CES5A: variants seen among roughly 807,000 people sequenced by gnomAD.
CES5A encodes carboxylesterase 5A, also known as carboxylesterase 5.
A neutral mutation model predicts 62.9 loss-of-function variants in CES5A; 67 were observed. The observed-to-expected ratio is 1.07, with a 90% CI of 0.88 to 1.31. CES5A has a LOEUF of 1.31. Among genes scored for constraint, CES5A ranks in the 50% most tolerant of loss-of-function variants. The pLI, the probability that CES5A is intolerant of heterozygous loss-of-function variation, is 0.00. For missense variants in CES5A, 748 were observed against 708.5 expected (o/e 1.06, Z -0.63); for synonymous variants, 296 against 280.8 (o/e 1.05, Z -0.54).
chr16:55,952,213 T>C (rs1053524436), intron 1 of CES5A, among the ~76,000 whole-genome samples: 17 of 152,106 alleles, frequency 1.1e-4, no homozygotes, highest in Admixed American at 2.0e-4. Context: ...GAAAAAAGTA[T>C]TACTATTTAG....
At chr16:55,851,935 A>G (rs1329031429) in intron 10 of CES5A, among the ~76,000 whole-genome samples, 2 of 152,250 alleles carry the variant, frequency 1.3e-5, no homozygotes, top group East Asian at 1.9e-4. Flanking sequence ...TAAGCCAGAC[A>G]AAAGGACAAA....
At chr16:55,920,119 T>C (rs116494030) in intron 1 of CES5A, among the ~76,000 whole-genome samples, 2,984 of 152,146 alleles carry the variant, frequency 0.02, 108 homozygotes, top group African/African-American at 0.069. Flanking sequence ...GAGGATGAGA[T>C]AGTTTTGGGG....
rs2142408962 is a variant in CES5A, at chr16:55,869,764, A to G, written c.418-20T>C. ...CAAGACCTGAGGAGGGGAGAAGAGC[A>G]TCCAGTCAGCCCACCAGGCACCACC... On this transcript the variant is annotated intron_variant, in intron 3 of 12. Transcript: ENST00000290567. 1 of 1,589,272 alleles carries G rather than the reference A, an allele frequency of 6.3e-7. No homozygotes were observed. Among genetic ancestry groups the G allele is most frequent in the Non-Finnish European group, 8.6e-7 (1 of 1,165,370 alleles).
At chr16:55,868,267 G>A (rs1373110148) in intron 4 of CES5A, among the ~76,000 whole-genome samples, 2 of 152,120 alleles carry the variant, frequency 1.3e-5, no homozygotes, top group African/African-American at 4.8e-5. Context: ...CTCTGGTCAG[G>A]GCACCCCGTC....
chr16:55,859,709 A>G (rs774139005), intron 7 of CES5A, 22 bp from the exon 8 acceptor site: 24 of 1,592,616 alleles, frequency 1.5e-5, no homozygotes, highest in Non-Finnish European at 2.0e-5. Context: ...AAGAAAAAAA[A>G]ATCATCAGCT....
At chr16:55,857,603 C>G (rs1263957300) in intron 8 of CES5A, among the ~76,000 whole-genome samples, 1 of 152,160 alleles carries the variant, frequency 6.6e-6, no homozygotes, top group African/African-American at 2.4e-5. Flanking sequence ...CATTAAGGAG[C>G]TGGGATTTGT....
intron 1 of CES5A, among the ~76,000 whole-genome samples, chr16:55,918,389 C>T (rs112617471): frequency 0.015 from 2,291 of 152,258 alleles, 73 homozygotes; most frequent in African/African-American, 0.052. Context: ...AATCATAATG[C>T]TGGCTCCCTC....
At chr16:55,876,757 GGT>G (rs1325687916), upstream of CES5A, among the ~76,000 whole-genome samples, 1 of 151,952 alleles carries the variant, frequency 6.6e-6, no homozygotes, top group Non-Finnish European at 1.5e-5. Context: ...GATCTCAGGG[GGT>G]GGTCCTATTT....
rs759783751 is a variant in CES5A at position 55,849,671 on chromosome 16, C to T, written c.1376G>A (p.Arg459His). 5.0e-6 allele frequency: 8 copies of T among 1,613,974 alleles called. No homozygotes were observed. Among genetic ancestry groups the T allele is most frequent in the Non-Finnish European group, 6.8e-6 (8 of 1,179,880 alleles). ...FVKADHADEVRFVFGGAFLKG... is the reference protein window; with the variant it reads ...FVKADHADEVHFVFGGAFLKG... The stretch of plus-strand genomic sequence containing the variant: ...CAGGAAGGCACCACCGAACACAAAG[C>T]GGACTTCATCAGCGTGGTCGGCTTT... Residue 459 changes from arginine to histidine, a missense_variant, in exon 11 of 13, where the codon CGC (arginine) becomes CAC (histidine). Coordinates refer to ENST00000290567, the MANE Select transcript of CES5A (RefSeq NM_001143685.2).
intron 2 of CES5A, among the ~76,000 whole-genome samples, chr16:55,948,714 T>A (rs1468886225): frequency 2.6e-5 from 4 of 152,190 alleles, no homozygotes; most frequent in African/African-American, 9.7e-5. Context: ...ATTGCTGTAA[T>A]CCAAGCTAGG....
At chr16:55,866,690 T>TAAAAA (rs2033471888) in intron 4 of CES5A, among the ~76,000 whole-genome samples, 1 of 114,070 alleles carries the variant, frequency 8.8e-6, no homozygotes, top group African/African-American at 2.8e-5. Flanking sequence ...ACAAAAAAAT[T>TAAAAA]AGCTGGACAC....
chr16:55,896,041 T>G (rs146837920), intron 1 of CES5A, among the ~76,000 whole-genome samples: 1,906 of 152,272 alleles, frequency 0.013, 69 homozygotes, highest in East Asian at 0.11. Flanking sequence ...TAAAGACATA[T>G]CTGAGACTAG....
chr16:55,887,217 T>C (rs1214663592), intron 1 of CES5A, among the ~76,000 whole-genome samples: 1 of 151,930 alleles, frequency 6.6e-6, no homozygotes, highest in Non-Finnish European at 1.5e-5. Flanking sequence ...GTGTTTCATG[T>C]TCCCCAGAGC....
intron 10 of CES5A, among the ~76,000 whole-genome samples, chr16:55,852,200 A>T (rs527437037): frequency 6.6e-6 from 1 of 152,220 alleles, no homozygotes; most frequent in Non-Finnish European, 1.5e-5. Flanking sequence ...AAAATGGTAA[A>T]TTTTTTATTA....
At chr16:55,892,724 C>CAA (rs200542015) in intron 1 of CES5A, among the ~76,000 whole-genome samples, 1 of 147,438 alleles carries the variant, frequency 6.8e-6, no homozygotes, top group African/African-American at 2.5e-5. Context: ...ACAACAACAA[C>CAA]AAAAAAAAAT....
chr16:55,901,848 G>T (rs2033993451), intron 1 of CES5A, among the ~76,000 whole-genome samples: 1 of 152,144 alleles, frequency 6.6e-6, no homozygotes, highest in South Asian at 2.1e-4. Flanking sequence ...ATATCAGTGG[G>T]TTTTATTTTA....
intron 9 of CES5A, among the ~76,000 whole-genome samples, chr16:55,853,557 C>T (rs368336276): frequency 1.4e-4 from 21 of 152,262 alleles, no homozygotes; most frequent in Middle Eastern, 3.4e-3. Flanking sequence ...TATTATCTTA[C>T]CTAAGCTAGT....
chr16:55,890,592 G>A (rs1240333197), intron 1 of CES5A, among the ~76,000 whole-genome samples: 1 of 151,960 alleles, frequency 6.6e-6, no homozygotes, highest in East Asian at 1.9e-4. Flanking sequence ...ATTAAATAGT[G>A]ATATATCTTA....
intron 2 of CES5A, 71 bp downstream of exon 2, chr16:55,873,762 T>C (rs993060606): frequency 5.1e-6 from 7 of 1,365,246 alleles, no homozygotes; most frequent in Non-Finnish European, 7.1e-6. Context: ...TCTTTCACAC[T>C]GGGCTGCATG....
Sources: allele counts gnomAD v4.1 joint callset (sites outside exome capture counted in the v4.1 genomes callset), GRCh38; gene constraint gnomAD v4.1.1; transcripts MANE v1.5; gene names NCBI Gene and HGNC (gene_info 2026-07-23, HGNC 2026-07-21).